UBE2S: variants seen among roughly 807,000 people sequenced by gnomAD.
UBE2S encodes ubiquitin-conjugating enzyme E2 S.
UBE2S carries 3 observed loss-of-function variants against 12.3 expected under a neutral mutation model. That is an observed-to-expected ratio of 0.24 (90% CI 0.11 to 0.63). UBE2S has a LOEUF of 0.63. Ranked by LOEUF, UBE2S falls within the 30% of genes least tolerant of loss-of-function variation. The pLI is 0.85. For synonymous variants in UBE2S, 133 were observed against 142.0 expected, an observed-to-expected ratio of 0.94 and a Z score of 0.45; for missense variants, 211 against 313.9, an observed-to-expected ratio of 0.67 and a Z score of 2.48.
intron 2 of UBE2S, among the ~76,000 whole-genome samples, chr19:55,405,032 G>A (rs1353162260): frequency 6.6e-6 from 1 of 151,218 alleles, no homozygotes; most frequent in Non-Finnish European, 1.5e-5. Context: ...CCAACATGGA[G>A]AAACCCCGTC....
intron 3 of UBE2S, chr19:55,403,262 TTTACGGCATGTAAG>T (rs1277945465): frequency 1.7e-6 from 1 of 575,218 alleles, no homozygotes; most frequent in Non-Finnish European, 3.1e-6. Context: ...GGAACTGAGT[TTTACGGCATGTAAG>T]CTCAGCTTTA....
At chr19:55,405,842 C>T (rs1169043292) in intron 2 of UBE2S, among the ~76,000 whole-genome samples, 1 of 152,212 alleles carries the variant, frequency 6.6e-6, no homozygotes, top group African/African-American at 2.4e-5. Flanking sequence ...TACTGTCCCT[C>T]CCCTAGCCCA....
intron 3 of UBE2S, chr19:55,403,268 G>T (rs2090074402): frequency 1.7e-6 from 1 of 573,114 alleles, no homozygotes; most frequent in Non-Finnish European, 3.1e-6. Context: ...GAGTTTTACG[G>T]CATGTAAGCT....
In UBE2S at chr19:55,401,599, C is replaced by T. The variant is rs534399153; in HGVS notation, c.506G>A (p.Arg169Gln). The T allele has an allele frequency of 2.6e-4, 424 of 1,606,370 alleles. 4 individuals carry two copies. In the South Asian group the frequency reaches 2.7e-3, roughly 10 times the overall value. The change falls in exon 4 of 4, where the codon CGG (arginine) becomes CAG (glutamine). Residue 169 changes from arginine to glutamine, a missense_variant. This residue lies in a region of UBE2S where 84 missense variants were observed against 89.9 expected (regional missense o/e 0.93). Transcript: ENST00000264552. Reference sequence around the variant, plus strand: ...AGCTTCAGTGCCACTGGCCAGGGCCCGACCGGCTTCGGCCCTGCCGCTGGG... The same window carrying T: ...AGCTTCAGTGCCACTGGCCAGGGCCTGACCGGCTTCGGCCCTGCCGCTGGG... ...GGPSGRAEAG[R>Q]ALASGTEASS...
Position 55,404,263 on chromosome 19 carries a change from G to A in UBE2S, c.342+25C>T. On this transcript the variant is annotated intron_variant, in intron 3 of 3. Coordinates refer to ENST00000264552, the MANE Select transcript of UBE2S (RefSeq NM_014501.3). The surrounding 1 kb of genome is among the most constrained non-coding windows in gnomAD (Gnocchi z 4.4). ...AGACCTCCAGAGGCAGGAGGCAGGAGGCCCAGCCCCAGCCCAGAACTCACC... is the reference window on the plus strand; with the variant it reads ...AGACCTCCAGAGGCAGGAGGCAGGAAGCCCAGCCCCAGCCCAGAACTCACC... 1 of 1,612,248 alleles carries A rather than the reference G, an allele frequency of 6.2e-7. No homozygotes were observed. The highest frequency in any genetic ancestry group is 8.5e-7 in the Non-Finnish European group (1 of 1,179,784).
Position 55,407,788 on chromosome 19 carries a change from C to G in UBE2S, c.-199G>C, listed in dbSNP as rs943660904. 8.8e-6 allele frequency: 3 copies of G among 341,198 alleles called. No homozygotes were observed. Among genetic ancestry groups the G allele is most frequent in the Non-Finnish European group, 1.0e-5 (2 of 192,104 alleles). The allele number at this position is 341,198 out of a possible 1,614,324, so 21.1% of individuals were successfully genotyped here. A position where few individuals can be genotyped will look rare whatever the true frequency, so the allele number is the denominator to read the frequency against. ...GCCCCGGTGCCCGGCAGCACTGAGC[C>G]GGCCGCGCGCGCACCACTGCCTCTT... On this transcript the variant is annotated 5_prime_UTR_variant, in exon 1 of 4. Coordinates refer to ENST00000264552, the MANE Select transcript of UBE2S (RefSeq NM_014501.3).
Position 55,404,790 on chromosome 19 carries a change from A to T in UBE2S, c.152-312T>A, listed in dbSNP as rs999480791. Among the ~76,000 whole-genome samples the T allele has an allele frequency of 1.3e-5, 2 of 152,000 alleles. No individual in the cohort carries two copies. Among genetic ancestry groups the T allele is most frequent in the African/African-American group, 4.8e-5 (2 of 41,406 alleles). On this transcript the variant is annotated intron_variant, in intron 2 of 3. Transcript: ENST00000264552. The surrounding 1 kb of genome is among the most constrained non-coding windows in gnomAD (Gnocchi z 4.4). The stretch of plus-strand genomic sequence containing the variant: ...TCTGGCTACTTTTTTATTTTAAGAG[A>T]TAGGGTCTCACTATGTTGCCCAAGC...
At chr19:55,407,039 G>A in intron 1 of UBE2S, 77 bp from the exon 2 acceptor site, 1 of 1,533,382 alleles carries the variant, frequency 6.5e-7, no homozygotes, top group Non-Finnish European at 8.9e-7. Flanking sequence ...TGCTGAGACT[G>A]CCCAAGTCTT....
rs2090044597 is a variant in UBE2S, at chr19:55,399,834, G to A, written c.*1602C>T. ...GATGCAGGCACCTTCCTTCAGCAAG[G>A]ACTGTTTGCTTCCCTCATGCAGAAA... is the stretch of plus-strand genomic sequence containing the variant. On this transcript the variant is annotated 3_prime_UTR_variant, in exon 4 of 4. Coordinates refer to ENST00000264552, the MANE Select transcript of UBE2S (RefSeq NM_014501.3). 1 of 152,198 alleles carries A rather than the reference G, an allele frequency of 6.6e-6. No individual in the cohort carries two copies. The highest frequency in any genetic ancestry group is 2.4e-5 in the African/African-American group (1 of 41,438). The allele number at this position is 152,198 out of a possible 1,614,324, so 9.4% of individuals were successfully genotyped here. A position where few individuals can be genotyped will look rare whatever the true frequency, so the allele number is the denominator to read the frequency against.
intron 1 of UBE2S, 114 bp from the exon 2 acceptor site, chr19:55,407,076 A>C (rs1600323722): frequency 3.1e-6 from 4 of 1,296,306 alleles, no homozygotes; most frequent in Non-Finnish European, 3.1e-6. Flanking sequence ...GCTGTCAATC[A>C]CCCTTGAACT....
At chr19:55,407,464 G>T in intron 1 of UBE2S, 123 bp downstream of exon 1, 1 of 1,128,232 alleles carries the variant, frequency 8.9e-7, no homozygotes, top group Non-Finnish European at 1.2e-6. Flanking sequence ...CCCATCCCGG[G>T]TCAGGGACCC....
chr19:55,401,853 C>CA, intron 3 of UBE2S, 91 bp from the exon 4 acceptor site: 2 of 1,350,030 alleles, frequency 1.5e-6, no homozygotes, highest in South Asian at 1.2e-5. Context: ...ACTGGCTGTT[C>CA]CTTCTGCTCC....
intron 3 of UBE2S, chr19:55,403,296 C>A: frequency 1.8e-6 from 1 of 571,368 alleles, no homozygotes; most frequent in Non-Finnish European, 3.1e-6. Context: ...AGCAAAAAAG[C>A]CTCTAATGAG....
chr19:55,401,321 C>T lies in UBE2S; in HGVS notation c.*115G>A, dbSNP rs543343459. ...TTATTTAGAAAAACAAATCCAGGTC[C>T]CAGTGCCCCCTGTACCCTCCCCGAC... is the stretch of plus-strand genomic sequence containing the variant. On this transcript the variant is annotated 3_prime_UTR_variant, in exon 4 of 4. Transcript: ENST00000264552. The T allele has an allele frequency of 3.6e-5, 34 of 943,862 alleles. 1 individual carries two copies. In the South Asian group the frequency reaches 5.0e-4, roughly 14 times the overall value. 58.5% of individuals were successfully genotyped at this position (943,862 alleles called of 1,614,324 possible). A position where few individuals can be genotyped will look rare whatever the true frequency, so the allele number is the denominator to read the frequency against.
chr19:55,401,408 G>T lies in UBE2S; in HGVS notation c.*28C>A. On this transcript the variant is annotated 3_prime_UTR_variant, in exon 4 of 4. Transcript: ENST00000264552. ...GAGGGAGGGGACAGGAGAGGTTGGG[G>T]TCACGGTGGAAGGAGGAAGAGAGCC... 6 of 1,519,682 alleles carry T rather than the reference G, an allele frequency of 3.9e-6. No homozygotes were observed. The South Asian group carries it at 5.7e-5, about 15-fold the overall frequency. 94.1% of individuals were successfully genotyped at this position (1,519,682 alleles called of 1,614,324 possible).
chr19:55,399,783 T>G lies in UBE2S; in HGVS notation c.*1653A>C, dbSNP rs1483258789. The G allele has an allele frequency of 6.6e-6, 1 of 152,228 alleles. No individual in the cohort carries two copies. Among genetic ancestry groups the G allele is most frequent in the Non-Finnish European group, 1.5e-5 (1 of 68,044 alleles). The allele number at this position is 152,228 out of a possible 1,614,324, so 9.4% of individuals were successfully genotyped here. A position where few individuals can be genotyped will look rare whatever the true frequency, so the allele number is the denominator to read the frequency against. ...TATTTTTATTATGCACTTCGCTAAA[T>G]TATTTCAGTGGGTTCCGAGGCCCAG... On this transcript the variant is annotated 3_prime_UTR_variant, in exon 4 of 4. Transcript: ENST00000264552.
chr19:55,403,099 C>A (rs760996381), intron 3 of UBE2S: 8 of 992,832 alleles, frequency 8.1e-6, no homozygotes, highest in Non-Finnish European at 1.2e-5. Flanking sequence ...TGGCCTCCAC[C>A]CACTAGATGC....
At position 55,404,353 on chromosome 19, in the gene UBE2S, C is replaced by T; in HGVS notation, c.277G>A (p.Glu93Lys). Reference sequence around the variant, plus strand: ...CTCTTGAGCACGTTGACGCAGATCTCGCCATTGGCGCCCACGTTCGGGTGG... The same window carrying T: ...CTCTTGAGCACGTTGACGCAGATCTTGCCATTGGCGCCCACGTTCGGGTGG... The part of the protein sequence containing the change: ...IFHPNVGANG[E>K]ICVNVLKRDW... The change falls in exon 3 of 4, where the codon GAG (glutamate) becomes AAG (lysine). Residue 93 changes from glutamate to lysine, a missense_variant. Coordinates refer to ENST00000264552, the MANE Select transcript of UBE2S (RefSeq NM_014501.3). This position sits in a 1 kb window ranked among gnomAD's most constrained non-coding sequence, Gnocchi z 4.4. 1.2e-6 allele frequency: 2 copies of T among 1,613,908 alleles called. No homozygotes were observed. The highest frequency in any genetic ancestry group is 1.7e-6 in the Non-Finnish European group (2 of 1,179,856).
intron 3 of UBE2S, 67 bp from the exon 4 acceptor site, chr19:55,401,829 A>T: frequency 6.4e-7 from 1 of 1,557,046 alleles, no homozygotes; most frequent in Non-Finnish European, 8.8e-7. Context: ...CCTCCACAAG[A>T]GGGTGGCCTC....
Sources: allele counts gnomAD v4.1 joint callset (sites outside exome capture counted in the v4.1 genomes callset), GRCh38; gene constraint gnomAD v4.1.1; regional missense constraint gnomAD v4.1.1; non-coding constraint Gnocchi (gnomAD v3.1); transcripts MANE v1.5; gene names NCBI Gene and HGNC (gene_info 2026-07-23, HGNC 2026-07-21).